Variants in MYC observed in about 807,000 individuals in gnomAD.
MYC encodes MYC proto-oncogene, bHLH transcription factor.
In MYC, 1 loss-of-function variant was observed where a neutral mutation model predicts 30.5. That is an observed-to-expected ratio of 0.03 (90% CI 0.01 to 0.16). The LOEUF is 0.16. Among genes scored for constraint, MYC ranks in the 10% least tolerant of loss-of-function variants. The pLI is 1.00. For synonymous variants in MYC, 267 were observed against 250.7 expected (o/e 1.07, Z -0.62); for missense variants, 508 against 589.0 (o/e 0.86, Z 1.42).
Position 127,741,899 on chromosome 8 carries a change from G to T in MYC, c.*941G>T, listed in dbSNP as rs1813718644. Reference sequence around the variant, plus strand: ...AACCAGGCGCCAGTCCTGTCCATGGGTTATCTCGCAAACCCCAGAGGATCT... The same window carrying T: ...AACCAGGCGCCAGTCCTGTCCATGGTTTATCTCGCAAACCCCAGAGGATCT... On this transcript the variant is annotated 3_prime_UTR_variant, in exon 3 of 3. Coordinates refer to ENST00000621592, the MANE Select transcript of MYC (RefSeq NM_002467.6). Among the ~76,000 whole-genome samples, 1 of 152,176 alleles carries T rather than the reference G, an allele frequency of 6.6e-6. No individual in the cohort carries two copies. The highest frequency in any genetic ancestry group is 1.5e-5 in the Non-Finnish European group (1 of 68,032).
upstream of MYC, chr8:127,735,458 C>T: frequency 2.5e-6 from 1 of 399,476 alleles, no homozygotes; most frequent in Non-Finnish European, 4.4e-6. Context: ...ACGCGCTCTC[C>T]AAGTATACGT....
In MYC at chr8:127,740,602, G is replaced by C; in HGVS notation, c.1009G>C (p.Ala337Pro). ...CTCCACTCGGAAGGACTATCCTGCT[G>C]CCAAGAGGGTCAAGTTGGACAGTGT... is the stretch of plus-strand genomic sequence containing the variant. The change falls in exon 3 of 3, where the codon GCC becomes CCC. Residue 337 changes from alanine (A) to proline (P), a missense_variant. Coordinates refer to ENST00000621592, the MANE Select transcript of MYC (RefSeq NM_002467.6). 1 of 1,614,046 alleles carries C rather than the reference G, an allele frequency of 6.2e-7. No homozygotes were observed. Among genetic ancestry groups the C allele is most frequent in the African/African-American group, 1.3e-5 (1 of 74,994 alleles).
chr8:127,735,844 C>G (rs1046254252), upstream of MYC: 1 of 398,770 alleles, frequency 2.5e-6, no homozygotes, highest in Non-Finnish European at 4.4e-6. Context: ...ATGGTAGGCG[C>G]GCGTAGTTAA....
chr8:127,740,159 G>A (rs935961098), intron 2 of MYC, among the ~76,000 whole-genome samples: 2 of 151,870 alleles, frequency 1.3e-5, no homozygotes, highest in Non-Finnish European at 2.9e-5. Context: ...GGGTTTCATC[G>A]TGTTGGCCAG....
chr8:127,738,077 G>A lies in MYC; in HGVS notation c.31-171G>A, dbSNP rs1001112229. 2.0e-5 allele frequency among the ~76,000 whole-genome samples: 3 copies of A among 152,168 alleles called. No homozygotes were observed. Among genetic ancestry groups the A allele is most frequent in the African/African-American group, 7.2e-5 (3 of 41,448 alleles). ...GATAGCAGGGGACTGTCCAAAGGGG[G>A]TGAAAGGGTGCTCCCTTTATTCCCC... is the stretch of plus-strand genomic sequence containing the variant. On this transcript the variant is annotated intron_variant, in intron 1 of 2. Transcript: ENST00000621592. The surrounding 1 kb of genome is among the most constrained non-coding windows in gnomAD (Gnocchi z 7.6).
Position 127,742,470 on chromosome 8 carries a change from A to G in MYC, c.*1512A>G, listed in dbSNP as rs1398799140. On this transcript the variant is annotated 3_prime_UTR_variant, in exon 3 of 3. Coordinates refer to ENST00000621592, the MANE Select transcript of MYC (RefSeq NM_002467.6). The stretch of plus-strand genomic sequence containing the variant: ...CAACATCTAAGCCTGGTCAGGCATC[A>G]GTTCCCCTTTTTTTGTGATTTATTT... Among the ~76,000 whole-genome samples, 1 of 152,178 alleles carries G rather than the reference A, an allele frequency of 6.6e-6. No individual in the cohort carries two copies.
In MYC at chr8:127,742,009, C is replaced by A. The variant is rs544395121; in HGVS notation, c.*1051C>A. 3.9e-5 allele frequency among the ~76,000 whole-genome samples: 6 copies of A among 152,280 alleles called. No homozygotes were observed. The highest frequency in any genetic ancestry group is 1.4e-4 in the African/African-American group (6 of 41,548). ...AGGTTATGTAACTTATCTGTAGCCA[C>A]GCAGATAATACAAAGCAGCAATCTG... On this transcript the variant is annotated 3_prime_UTR_variant, in exon 3 of 3. Transcript: ENST00000621592.
intron 2 of MYC, among the ~76,000 whole-genome samples, chr8:127,739,346 G>T (rs1813668222): frequency 6.6e-6 from 1 of 152,264 alleles, no homozygotes; most frequent in African/African-American, 2.4e-5. Flanking sequence ...CTGGGGCGGG[G>T]TGGCAGGGAG....
At position 127,740,954 on chromosome 8, in the gene MYC, C is replaced by T. The variant is rs143501729; in HGVS notation, c.1361C>T (p.Ala454Val). Residue 454 changes from alanine to valine, a missense_variant, in exon 3 of 3, where the codon GCG becomes GTG. By Grantham distance (64) the Ala-to-Val change is moderately conservative. Transcript: ENST00000621592. ...CTTGAACAGCTACGGAACTCTTGTG[C>T]GTAAGGAAAAGTAAGGAAAACGATT... is the stretch of plus-strand genomic sequence containing the variant. The T allele has an allele frequency of 1.9e-6, 3 of 1,552,316 alleles. No individual in the cohort carries two copies. The highest frequency in any genetic ancestry group is 2.3e-5 in the East Asian group (1 of 44,372).
intron 2 of MYC, 123 bp from the exon 3 acceptor site, chr8:127,740,273 G>C (rs1032966246): frequency 9.7e-7 from 1 of 1,033,616 alleles, no homozygotes; most frequent in Non-Finnish European, 1.4e-6. Flanking sequence ...TCTTTGGGGA[G>C]ATAATTTTGT....
intron 1 of MYC, among the ~76,000 whole-genome samples, chr8:127,737,332 T>C (rs968576927): frequency 6.6e-6 from 1 of 152,200 alleles, no homozygotes; most frequent in Admixed American, 6.5e-5. Flanking sequence ...CCTGGAATCG[T>C]TGACTTGGAA....
upstream of MYC, chr8:127,735,869 T>C (rs934318352): frequency 5.0e-6 from 2 of 398,604 alleles, no homozygotes; most frequent in African/African-American, 4.1e-5. Context: ...TGCGGCTCTC[T>C]TACTCTGTTT....
Position 127,736,579 on chromosome 8 carries a change from G to T in MYC, c.-15G>T. 6.2e-7 allele frequency: 1 copy of T among 1,614,194 alleles called. No homozygotes were observed. Among genetic ancestry groups the T allele is most frequent in the Non-Finnish European group, 8.5e-7 (1 of 1,180,028 alleles). On this transcript the variant is annotated 5_prime_UTR_variant, in exon 1 of 3. Coordinates refer to ENST00000621592, the MANE Select transcript of MYC (RefSeq NM_002467.6). ...CCCGCTTCTCTGAAAGGCTCTCCTT[G>T]CAGCTGCTTAGACGCTGGATTTTTT...
At chr8:127,739,107 T>TA in intron 2 of MYC, 88 bp downstream of exon 2, 1 of 1,323,576 alleles carries the variant, frequency 7.6e-7, no homozygotes, top group East Asian at 2.6e-5. Context: ...GGGCCACTCT[T>TA]ATTAGGAAGG....
chr8:127,738,545 A>G lies in MYC; in HGVS notation c.328A>G (p.Thr110Ala), dbSNP rs1813647474. The G allele has an allele frequency of 6.2e-7, 1 of 1,612,690 alleles. No individual in the cohort carries two copies. The highest frequency in any genetic ancestry group is 1.3e-5 in the African/African-American group (1 of 74,906). ...CGACGGCGGTGGCGGGAGCTTCTCC[A>G]CGGCCGACCAGCTGGAGATGGTGAC... The change falls in exon 2 of 3, where the codon ACG becomes GCG. Residue 110 changes from threonine (T) to alanine (A), a missense_variant. Thr to Ala is a moderately conservative substitution (Grantham distance 58). This residue lies in a region of MYC where 364 missense variants were observed against 381.1 expected (regional missense o/e 0.96). Transcript: ENST00000621592. This position sits in a 1 kb window ranked among gnomAD's most constrained non-coding sequence, Gnocchi z 7.6.
At chr8:127,739,595 T>C (rs1055852616) in intron 2 of MYC, among the ~76,000 whole-genome samples, 2 of 134,484 alleles carry the variant, frequency 1.5e-5, no homozygotes, top group African/African-American at 7.1e-5. Flanking sequence ...CTTGCCAAAG[T>C]TGGACTTTTT....
chr8:127,737,763 C>A (rs867518538), intron 1 of MYC, among the ~76,000 whole-genome samples: 1 of 152,012 alleles, frequency 6.6e-6, no homozygotes, highest in Non-Finnish European at 1.5e-5. Context: ...GGCTAGGGCG[C>A]GAGTGGGAAC....
In MYC at chr8:127,738,435, C is replaced by T. The variant is rs756091827; in HGVS notation, c.218C>T (p.Thr73Ile). 1 of 1,610,792 alleles carries T rather than the reference C, an allele frequency of 6.2e-7. No individual in the cohort carries two copies. ...TGGAAGAAATTCGAGCTGCTGCCCA[C>T]CCCGCCCCTGTCCCCTAGCCGCCGC... is the stretch of plus-strand genomic sequence containing the variant. Residue 73 changes from threonine (T) to isoleucine (I), a missense_variant, in exon 2 of 3, where the codon ACC becomes ATC. Coordinates refer to ENST00000621592, the MANE Select transcript of MYC (RefSeq NM_002467.6). The surrounding 1 kb of genome is among the most constrained non-coding windows in gnomAD (Gnocchi z 7.6).
At chr8:127,737,659 G>A (rs887608775) in intron 1 of MYC, among the ~76,000 whole-genome samples, 3 of 151,924 alleles carry the variant, frequency 2.0e-5, no homozygotes, top group Admixed American at 2.0e-4. Flanking sequence ...GCTGGCAAAA[G>A]GAGTGTTGGA....
Sources: gnomAD v4.1 joint callset for allele counts (sites outside exome capture counted in the v4.1 genomes callset) on GRCh38, gnomAD v4.1.1 for gene constraint, gnomAD v4.1.1 regional missense constraint, Gnocchi (gnomAD v3.1) non-coding constraint, MANE v1.5 for transcripts, NCBI Gene and HGNC (gene_info 2026-07-23, HGNC 2026-07-21) for gene names.